Variants in NTRK3 observed in about 807,000 individuals in gnomAD.
NTRK3 encodes NT-3 growth factor receptor.
In NTRK3, 24 loss-of-function variants were observed where a neutral mutation model predicts 91.7. The observed-to-expected ratio is 0.26, with a 90% CI of 0.19 to 0.37. The LOEUF (loss-of-function observed/expected upper bound fraction) is 0.37, where lower values mean the gene tolerates loss of function less well. Ranked by LOEUF, NTRK3 falls within the 10% of genes least tolerant of loss-of-function variation. The pLI is 1.00. For missense variants in NTRK3, 880 were observed against 1,068.9 expected, an observed-to-expected ratio of 0.82 and a Z score of 2.46; for synonymous variants, 483 against 404.0, an observed-to-expected ratio of 1.20 and a Z score of -2.34.
In NTRK3 at chr15:88,081,793, C is replaced by T. The variant is rs567661924; in HGVS notation, c.1396+44478G>A. Among the ~76,000 whole-genome samples the T allele has an allele frequency of 1.2e-4, 18 of 152,326 alleles. 1 individual carries two copies. The South Asian group carries it at 3.5e-3, about 30-fold the overall frequency. ...TCCATATGGTAACAGCCCCCAACCT[C>T]CAGGGCCCTGCCAAACCCTCCCCAA... On this transcript the variant is annotated intron_variant, in intron 13 of 18. Coordinates refer to ENST00000394480, the Ensembl canonical transcript of NTRK3.
Position 87,900,690 on chromosome 15 carries a change from G to GGGGTGT in NTRK3, c.2134-20263_2134-20262insACACCC, listed in dbSNP as rs71462426. 2.4e-3 allele frequency among the ~76,000 whole-genome samples: 338 copies of GGGGTGT among 138,336 alleles called. 2 individuals are homozygous for GGGGTGT. Among genetic ancestry groups the GGGGTGT allele is most frequent in the African/African-American group, 8.3e-3 (306 of 36,966 alleles). 90.8% of individuals were successfully genotyped at this position (138,336 alleles called of 152,430 possible). ...GCATCAGCAGCCTGACTTTACAGAGGGTGTGTGTGTGTGTGTGTGTGTGTG... is the reference window on the plus strand; with the variant it reads ...GCATCAGCAGCCTGACTTTACAGAGGGGGTGTGTGTGTGTGTGTGTGTGTGTGTGTG... On this transcript the variant is annotated intron_variant, in intron 17 of 18. Coordinates refer to ENST00000394480, the Ensembl canonical transcript of NTRK3.
chr15:87,863,994 TACACAC>T (rs879080380), exon 19 of NTRK3: 189 of 218,432 alleles, frequency 8.7e-4, no homozygotes, highest in South Asian at 3.5e-3. Context: ...CACACACACA[TACACAC>T]ACACACACAC....
chr15:87,938,151 G>A (rs28579458), intron 15 of NTRK3, among the ~76,000 whole-genome samples: 18,860 of 152,164 alleles, frequency 0.12, 2,479 homozygotes, highest in African/African-American at 0.33. Flanking sequence ...CTACACATAT[G>A]TGCAGATTAT....
chr15:87,933,507 A>T (rs1464857083), intron 15 of NTRK3, among the ~76,000 whole-genome samples: 4 of 152,218 alleles, frequency 2.6e-5, no homozygotes, highest in African/African-American at 9.6e-5. Context: ...TGTGAGGAGG[A>T]AAGCCTGGCA....
intron 3 of NTRK3, among the ~76,000 whole-genome samples, chr15:88,225,460 C>T (rs2050592707): frequency 6.6e-6 from 1 of 152,088 alleles, no homozygotes; most frequent in South Asian, 2.1e-4. Flanking sequence ...GTAGGAGGGA[C>T]CCCTGGATGC....
intron 13 of NTRK3, chr15:88,072,544 AT>A (rs901145603): frequency 8.6e-6 from 2 of 232,384 alleles, no homozygotes; most frequent in Non-Finnish European, 1.7e-5. Context: ...TTCCTTCTTT[AT>A]TTTTTAACTG....
chr15:88,197,732 G>A (rs1785315949), intron 3 of NTRK3, among the ~76,000 whole-genome samples: 3 of 152,296 alleles, frequency 2.0e-5, no homozygotes, highest in African/African-American at 7.2e-5. Context: ...GTCCCCATGT[G>A]TCCTCATCTT....
intron 14 of NTRK3, among the ~76,000 whole-genome samples, chr15:87,988,357 G>C (rs2075013698): frequency 6.6e-6 from 1 of 152,222 alleles, no homozygotes; most frequent in Non-Finnish European, 1.5e-5. Flanking sequence ...TGGTGTTCTG[G>C]ATGTGGTCCA....
chr15:88,091,522 C>A (rs2049012352), intron 13 of NTRK3, among the ~76,000 whole-genome samples: 1 of 152,200 alleles, frequency 6.6e-6, no homozygotes, highest in Non-Finnish European at 1.5e-5. Context: ...GATTTCAAGC[C>A]TAACAGTGCC....
chr15:88,021,067 C>T (rs989236442), intron 14 of NTRK3, among the ~76,000 whole-genome samples: 10 of 152,266 alleles, frequency 6.6e-5, no homozygotes, highest in African/African-American at 2.2e-4. Context: ...CCAGCATCTC[C>T]GGATCTGGGG....
chr15:87,908,396 A>G (rs1355890726), intron 17 of NTRK3: 3 of 398,450 alleles, frequency 7.5e-6, no homozygotes, highest in Non-Finnish European at 4.4e-6. Context: ...GCCCCAGCCC[A>G]TGGAAGTGCC....
chr15:88,225,018 T>G (rs2050553788), intron 3 of NTRK3, among the ~76,000 whole-genome samples: 1 of 152,222 alleles, frequency 6.6e-6, no homozygotes, highest in African/African-American at 2.4e-5. Context: ...CACTTTATTT[T>G]CCCTTAGTAG....
chr15:88,067,023 T>C (rs1460850478), intron 13 of NTRK3, among the ~76,000 whole-genome samples: 2 of 151,926 alleles, frequency 1.3e-5, no homozygotes, highest in Admixed American at 6.6e-5. Flanking sequence ...GCCTTCATCA[T>C]CCCCCATCCC....
rs562564108 is a variant in NTRK3, at chr15:88,002,982, GAGA to G, written c.1585+29872_1585+29874del. ...TTTTCAAAAATCCGCCAAGATCAGA[GAGA>G]AGACTTTAAATCTATCAAAGGCAGC... On this transcript the variant is annotated intron_variant, in intron 14 of 18. Transcript: ENST00000394480. Among the ~76,000 whole-genome samples the G allele has an allele frequency of 4.6e-5, 7 of 152,318 alleles. No homozygotes were observed. In the East Asian group the frequency reaches 1.4e-3, roughly 29 times the overall value.
At chr15:88,133,944 C>T (rs766530572) in intron 10 of NTRK3, among the ~76,000 whole-genome samples, 2 of 152,212 alleles carry the variant, frequency 1.3e-5, no homozygotes, top group Non-Finnish European at 2.9e-5. Flanking sequence ...GCCTCCAGTA[C>T]GAGTTCCCTT....
At chr15:87,946,874 C>CTTTTTTTTTTTT (rs560114979) in intron 14 of NTRK3, among the ~76,000 whole-genome samples, 8 of 85,448 alleles carry the variant, frequency 9.4e-5, no homozygotes, top group East Asian at 4.2e-4. Flanking sequence ...TTCGTGGGTT[C>CTTTTTTTTTTTT]TTTTTTTTTT....
intron 3 of NTRK3, among the ~76,000 whole-genome samples, chr15:88,207,250 C>T (rs916162836): frequency 4.6e-5 from 7 of 152,174 alleles, no homozygotes; most frequent in Admixed American, 2.0e-4. Context: ...AGGCACCTGC[C>T]TCCAGGATGG....
chr15:88,250,607 A>G (rs2053248910), intron 3 of NTRK3, among the ~76,000 whole-genome samples: 1 of 152,018 alleles, frequency 6.6e-6, no homozygotes, highest in East Asian at 1.9e-4. Flanking sequence ...CACCCAGCTT[A>G]TTCCCTCCTC....
chr15:87,879,441 G>A (rs141072370), intron 18 of NTRK3, among the ~76,000 whole-genome samples: 68 of 152,310 alleles, frequency 4.5e-4, no homozygotes, highest in African/African-American at 7.5e-4. Flanking sequence ...ATCTTGATGG[G>A]CTTTGGAGGC....
Sources: allele counts gnomAD v4.1 joint callset (sites outside exome capture counted in the v4.1 genomes callset), GRCh38; gene constraint gnomAD v4.1.1; transcripts MANE v1.5; gene names NCBI Gene and HGNC (gene_info 2026-07-23, HGNC 2026-07-21).